Variants in MIB1 observed in about 807,000 individuals in gnomAD.
MIB1 encodes MIB E3 ubiquitin protein ligase 1.
Under a neutral mutation model 124.5 loss-of-function variants are expected in MIB1, and 278 were observed. That is an observed-to-expected ratio of 2.23 (90% CI 2.02 to 2.47). The LOEUF is 2.47. MIB1 is among the 30% of genes most tolerant of loss of function. The pLI is 0.00. For missense variants in MIB1, 957 were observed against 1,254.4 expected, an observed-to-expected ratio of 0.76 and a Z score of 3.58; for synonymous variants, 446 against 429.4, an observed-to-expected ratio of 1.04 and a Z score of -0.48.
At chr18:21,794,640 C>T (rs2041553280) in intron 7 of MIB1, among the ~76,000 whole-genome samples, 1 of 152,068 alleles carries the variant, frequency 6.6e-6, no homozygotes, top group African/African-American at 2.4e-5. Flanking sequence ...GAACAGCAAA[C>T]ACTGGGCTAT....
In MIB1 at chr18:21,798,154, C is replaced by T; in HGVS notation, c.1163C>T (p.Thr388Ile). The T allele has an allele frequency of 6.2e-7, 1 of 1,613,274 alleles. No individual in the cohort carries two copies. The highest frequency in any genetic ancestry group is 8.5e-7 in the Non-Finnish European group (1 of 1,179,410). Residue 388 changes from threonine (T) to isoleucine (I), a missense_variant, in exon 8 of 21, where the codon ACA becomes ATA. Thr to Ile is a moderately conservative substitution (Grantham distance 89, BLOSUM62 -1). Coordinates refer to ENST00000261537, the MANE Select transcript of MIB1 (RefSeq NM_020774.4). ...DSDLKVEVCG[T>I]SWTYNPAAVS... ...GATTTAAAGGTGGAAGTTTGTGGAA[C>T]ATCTTGGACATACAATCCAGCAGCA... is the stretch of plus-strand genomic sequence containing the variant.
At chr18:21,856,161 C>T (rs929705248) in intron 18 of MIB1, among the ~76,000 whole-genome samples, 7 of 149,166 alleles carry the variant, frequency 4.7e-5, no homozygotes, top group Admixed American at 6.7e-5. Context: ...ACCCGGGAAG[C>T]GGAGCTTGCA....
chr18:21,809,829 A>C (rs930904450), intron 10 of MIB1, among the ~76,000 whole-genome samples: 2 of 152,114 alleles, frequency 1.3e-5, no homozygotes, highest in Non-Finnish European at 2.9e-5. Context: ...AACTTTTCTT[A>C]TAAGAACAGG....
At chr18:21,715,607 A>AT (rs2146354991) in intron 1 of MIB1, among the ~76,000 whole-genome samples, 1 of 152,168 alleles carries the variant, frequency 6.6e-6, no homozygotes, top group African/African-American at 2.4e-5. Context: ...ATTTAAGGAA[A>AT]TTAAAAAAAA....
intron 2 of MIB1, 117 bp from the exon 3 acceptor site, chr18:21,768,506 C>T (rs2041189484): frequency 1.9e-5 from 13 of 691,998 alleles, no homozygotes. Flanking sequence ...TGGTAGTAAC[C>T]AGAACAATGA....
At chr18:21,838,297 A>G (rs2042051716) in intron 12 of MIB1, 68 bp from the exon 13 acceptor site, 1 of 1,140,488 alleles carries the variant, frequency 8.8e-7, no homozygotes, top group Non-Finnish European at 1.2e-6. Flanking sequence ...TCTTCATTTG[A>G]TTGCAAACTT....
rs1174192101 is a variant in MIB1 at position 21,741,505 on chromosome 18, G to T, written c.-79G>T. ...CGCCGACGCCTAGAGTCCGGCCCGG[G>T]CCCAACTCCCTCACGGGCCCCCCGG... On this transcript the variant is annotated 5_prime_UTR_variant, in exon 1 of 21. Coordinates refer to ENST00000261537, the MANE Select transcript of MIB1 (RefSeq NM_020774.4). The surrounding 1 kb of genome is among the most constrained non-coding windows in gnomAD (Gnocchi z 5.4). 6 of 1,110,166 alleles carry T rather than the reference G, an allele frequency of 5.4e-6. No homozygotes were observed. In the Admixed American group the frequency reaches 1.3e-4, roughly 25 times the overall value. 68.8% of individuals were successfully genotyped at this position (1,110,166 alleles called of 1,614,324 possible).
At chr18:21,757,480 A>AAAAAAG in intron 1 of MIB1, among the ~76,000 whole-genome samples, 1 of 137,370 alleles carries the variant, frequency 7.3e-6, no homozygotes, top group African/African-American at 2.7e-5. Context: ...AAAAAAAAAA[A>AAAAAAG]GACAGTCTTT....
intron 6 of MIB1, among the ~76,000 whole-genome samples, chr18:21,788,877 A>C (rs1021913315): frequency 2.6e-5 from 4 of 152,246 alleles, no homozygotes; most frequent in African/African-American, 4.8e-5. Context: ...CATCAAAAAG[A>C]GTAAAATACT....
intron 2 of MIB1, 30 bp from the exon 3 acceptor site, chr18:21,768,593 A>G: frequency 7.0e-7 from 1 of 1,434,952 alleles, no homozygotes; most frequent in Non-Finnish European, 9.4e-7. Flanking sequence ...ATTTTTATAT[A>G]AACTTGAAAA....
chr18:21,786,273 AT>A, intron 6 of MIB1, among the ~76,000 whole-genome samples: 1 of 151,866 alleles, frequency 6.6e-6, no homozygotes, highest in South Asian at 2.1e-4. Flanking sequence ...ATTTTTTTGT[AT>A]TTTTAGTAGA....
chr18:21,748,514 C>G (rs1259674709), intron 1 of MIB1, among the ~76,000 whole-genome samples: 1 of 151,596 alleles, frequency 6.6e-6, no homozygotes, highest in East Asian at 2.0e-4. Flanking sequence ...ACTGCAACCT[C>G]TGCCTCCTGG....
At chr18:21,734,832 G>T (rs774904793) in intron 1 of MIB1, among the ~76,000 whole-genome samples, 6 of 152,104 alleles carry the variant, frequency 3.9e-5, no homozygotes, top group Non-Finnish European at 7.4e-5. Flanking sequence ...CCCAGCCAGG[G>T]ACTCTTTTCA....
Position 21,757,599 on chromosome 18 carries a change from C to T in MIB1, c.230-8173C>T, listed in dbSNP as rs1345781790. Among the ~76,000 whole-genome samples the T allele has an allele frequency of 5.3e-5, 8 of 150,342 alleles. No homozygotes were observed. The East Asian group carries it at 1.6e-3, about 30-fold the overall frequency. On this transcript the variant is annotated intron_variant, in intron 1 of 20. Transcript: ENST00000261537. Reference sequence around the variant, plus strand: ...TCCCTGGTTCAAGCAATTCTCCTGCCTCAGCCTCCAAAGTTGCTGGAATTA... The same window carrying T: ...TCCCTGGTTCAAGCAATTCTCCTGCTTCAGCCTCCAAAGTTGCTGGAATTA...
intron 12 of MIB1, chr18:21,831,255 A>ATTTTTTTTTTTTTTTTTTTTT (rs61641899): frequency 9.3e-6 from 1 of 107,752 alleles, no homozygotes. Flanking sequence ...TTGCTTTTAG[A>ATTTTTTTTTTTTTTTTTTTTT]TTTTTTTTTT....
intron 1 of MIB1, among the ~76,000 whole-genome samples, chr18:21,707,358 C>G (rs993050820): frequency 6.6e-6 from 1 of 152,178 alleles, no homozygotes; most frequent in African/African-American, 2.4e-5. Flanking sequence ...AGGCAGCTCT[C>G]TGTAAAATGG....
chr18:21,705,194 A>C, intron 1 of MIB1: 1 of 152,490 alleles, frequency 6.6e-6, no homozygotes, highest in Non-Finnish European at 1.5e-5. Context: ...AGAATCCCAC[A>C]TCCTCTAGAC....
rs572601223 is a variant in MIB1, at chr18:21,786,391, C to T, written c.909-4983C>T. On this transcript the variant is annotated intron_variant, in intron 6 of 20. Transcript: ENST00000261537. ...GGATTACAGGCGTGAGCCGCTGCGC[C>T]CAGCTCTATTTGGTTATTATTTGGA... 3.9e-5 allele frequency among the ~76,000 whole-genome samples: 6 copies of T among 152,320 alleles called. No homozygotes were observed. The East Asian group carries it at 9.6e-4, about 24-fold the overall frequency.
intron 1 of MIB1, among the ~76,000 whole-genome samples, chr18:21,753,488 G>A (rs981785014): frequency 6.6e-6 from 1 of 151,850 alleles, no homozygotes; most frequent in Admixed American, 6.6e-5. Flanking sequence ...TGCCCAGCCT[G>A]AAAATATTTT....
Sources: allele counts gnomAD v4.1 joint callset (sites outside exome capture counted in the v4.1 genomes callset), GRCh38; gene constraint gnomAD v4.1.1; non-coding constraint Gnocchi (gnomAD v3.1); transcripts MANE v1.5; gene names NCBI Gene and HGNC (gene_info 2026-07-23, HGNC 2026-07-21).